SCAPER: variants seen among roughly 807,000 people sequenced by gnomAD.
SCAPER encodes S phase cyclin A-associated protein in the endoplasmic reticulum.
In SCAPER, 98 loss-of-function variants were observed where a neutral mutation model predicts 182.2. The observed-to-expected ratio is 0.54, with a 90% CI of 0.46 to 0.64. The LOEUF is 0.64. Among genes scored for constraint, SCAPER ranks in the 30% least tolerant of loss-of-function variants. The pLI is 0.00. For synonymous variants in SCAPER, 605 were observed against 564.6 expected (o/e 1.07, Z -1.01); for missense variants, 1,432 against 1,690.0 (o/e 0.85, Z 2.68).
chr15:76,827,157 T>A (rs2068082834), intron 5 of SCAPER, among the ~76,000 whole-genome samples: 1 of 152,144 alleles, frequency 6.6e-6, no homozygotes, highest in African/African-American at 2.4e-5. Context: ...CTTCCCAACA[T>A]CCCATTTCTC....
intron 23 of SCAPER, among the ~76,000 whole-genome samples, chr15:76,511,016 T>C (rs781632006): frequency 8.5e-5 from 13 of 152,138 alleles, no homozygotes; most frequent in African/African-American, 1.2e-4. Flanking sequence ...AAACCAAACA[T>C]TGTATGTTCT....
At chr15:76,873,082 T>C (rs2072847838) in intron 2 of SCAPER, among the ~76,000 whole-genome samples, 5 of 137,574 alleles carry the variant, frequency 3.6e-5, no homozygotes, top group Admixed American at 3.0e-4. Flanking sequence ...GAATCTTGTC[T>C]CTACAAAAAA....
At chr15:76,816,326 T>C (rs1210167811) in intron 5 of SCAPER, among the ~76,000 whole-genome samples, 2 of 152,220 alleles carry the variant, frequency 1.3e-5, no homozygotes, top group Non-Finnish European at 2.9e-5. Context: ...ATTATCTTTA[T>C]AACCTCATTC....
At chr15:76,709,073 G>C (rs2059422564) in intron 17 of SCAPER, among the ~76,000 whole-genome samples, 1 of 151,934 alleles carries the variant, frequency 6.6e-6, no homozygotes, top group African/African-American at 2.4e-5. Flanking sequence ...AAAGAGTGAA[G>C]GAGAGATATC....
intron 17 of SCAPER, among the ~76,000 whole-genome samples, chr15:76,726,173 A>G (rs2060589562): frequency 1.5e-5 from 2 of 135,892 alleles, no homozygotes; most frequent in Admixed American, 1.5e-4. Context: ...CTATAACCCA[A>G]CAAGAAAATA....
chr15:76,473,210 A>C (rs1266605221), intron 24 of SCAPER, among the ~76,000 whole-genome samples: 1 of 152,198 alleles, frequency 6.6e-6, no homozygotes, highest in Non-Finnish European at 1.5e-5. Context: ...TAAAATGAAG[A>C]CCTCACTGGG....
intron 24 of SCAPER, among the ~76,000 whole-genome samples, chr15:76,491,480 T>C (rs1478723129): frequency 6.6e-6 from 1 of 152,218 alleles, no homozygotes; most frequent in African/African-American, 2.4e-5. Flanking sequence ...AGGTGTGGGA[T>C]TGCTGGATCA....
At chr15:76,434,831 G>A (rs1263137937) in intron 25 of SCAPER, among the ~76,000 whole-genome samples, 1 of 152,162 alleles carries the variant, frequency 6.6e-6, no homozygotes, top group Non-Finnish European at 1.5e-5. Context: ...CTCTCTTTGT[G>A]TATAGTTTAC....
intron 15 of SCAPER, among the ~76,000 whole-genome samples, chr15:76,746,083 C>G (rs912201372): frequency 2.0e-5 from 3 of 152,154 alleles, no homozygotes; most frequent in Non-Finnish European, 4.4e-5. Flanking sequence ...ATCAATAGAA[C>G]AGGGACAAAA....
At chr15:76,459,662 GTGTAAAAGGTTTT>G (rs1296132158) in intron 25 of SCAPER, among the ~76,000 whole-genome samples, 1 of 151,316 alleles carries the variant, frequency 6.6e-6, no homozygotes, top group Non-Finnish European at 1.5e-5. Flanking sequence ...TTCCTTTGCT[GTGTAAAAGGTTTT>G]TAGTTTAATA....
At chr15:76,740,323 G>C (rs1445893753) in intron 15 of SCAPER, among the ~76,000 whole-genome samples, 1 of 152,020 alleles carries the variant, frequency 6.6e-6, no homozygotes, top group African/African-American at 2.4e-5. Flanking sequence ...AGCTAAGAAA[G>C]GCAACAGAAA....
At chr15:76,722,688 C>G (rs1249808265) in intron 17 of SCAPER, among the ~76,000 whole-genome samples, 1 of 152,184 alleles carries the variant, frequency 6.6e-6, no homozygotes, top group Non-Finnish European at 1.5e-5. Flanking sequence ...TTATCCATTT[C>G]TTCTAGATTT....
rs1254793406 is a variant in SCAPER at position 76,905,325 on chromosome 15, C to G, written c.-86G>C. The G allele has an allele frequency of 4.9e-5, 12 of 245,264 alleles. No homozygotes were observed. In the Admixed American group the frequency reaches 5.0e-4, roughly 10 times the overall value. 15.2% of individuals were successfully genotyped at this position (245,264 alleles called of 1,614,324 possible). A position where few individuals can be genotyped will look rare whatever the true frequency, so the allele number is the denominator to read the frequency against. On this transcript the variant is annotated 5_prime_UTR_variant, in exon 1 of 32. Coordinates refer to ENST00000563290, the MANE Select transcript of SCAPER (RefSeq NM_020843.4). Reference sequence around the variant, plus strand: ...CCCGACCGCCCTGCTTAGTTCGGGGCGGCTCAAAGCGTCCCGCCGGGAAAG... The same window carrying G: ...CCCGACCGCCCTGCTTAGTTCGGGGGGGCTCAAAGCGTCCCGCCGGGAAAG...
chr15:76,785,833 A>G (rs1161371855), intron 8 of SCAPER, among the ~76,000 whole-genome samples: 1 of 151,984 alleles, frequency 6.6e-6, no homozygotes, highest in Non-Finnish European at 1.5e-5. Flanking sequence ...CAACGCGAAC[A>G]CCTGGACACA....
chr15:76,428,867 T>TATATATATATATATATATAC lies in SCAPER; in HGVS notation c.3311+5210_3311+5211insGTATATATATATATATATAT, dbSNP rs1491573145. The stretch of plus-strand genomic sequence containing the variant: ...AGGTATCCTGATCAGATCATTATAC[T>TATATATATATATATATATAC]ATATATATATATATATATATATATA... On this transcript the variant is annotated intron_variant, in intron 26 of 31. Coordinates refer to ENST00000563290, the MANE Select transcript of SCAPER (RefSeq NM_020843.4). Among the ~76,000 whole-genome samples, 113 of 20,712 alleles carry TATATATATATATATATATAC rather than the reference T, an allele frequency of 5.5e-3. 2 individuals are homozygous for TATATATATATATATATATAC. Among genetic ancestry groups the TATATATATATATATATATAC allele is most frequent in the Non-Finnish European group, 9.3e-3 (79 of 8,538 alleles). The allele number at this position is 20,712 out of a possible 152,430, so 13.6% of individuals were successfully genotyped here.
chr15:76,395,689 T>C (rs1393060987), intron 27 of SCAPER, among the ~76,000 whole-genome samples: 4 of 152,198 alleles, frequency 2.6e-5, no homozygotes, highest in Admixed American at 6.5e-5. Context: ...CATTTAAAAA[T>C]TGGATTATTA....
intron 2 of SCAPER, among the ~76,000 whole-genome samples, chr15:76,880,671 A>G (rs1326416644): frequency 6.6e-6 from 1 of 152,140 alleles, no homozygotes; most frequent in Non-Finnish European, 1.5e-5. Context: ...ATGCAGCTAT[A>G]AAAAGAAACG....
chr15:76,500,451 T>C (rs1471661298), intron 24 of SCAPER, among the ~76,000 whole-genome samples: 3 of 152,186 alleles, frequency 2.0e-5, no homozygotes, highest in Non-Finnish European at 2.9e-5. Context: ...GGTTTGCTGG[T>C]TGCCTTGTGA....
chr15:76,602,239 G>A (rs2049981612), intron 22 of SCAPER, among the ~76,000 whole-genome samples: 1 of 121,718 alleles, frequency 8.2e-6, no homozygotes, highest in African/African-American at 2.5e-5. Context: ...ACAGATCTGA[G>A]TTTCTGATCT....
Sources: allele counts gnomAD v4.1 joint callset (sites outside exome capture counted in the v4.1 genomes callset), GRCh38; gene constraint gnomAD v4.1.1; transcripts MANE v1.5; gene names NCBI Gene and HGNC (gene_info 2026-07-23, HGNC 2026-07-21).